The following VWC2 variants were observed in gnomAD, a reference collection of about 807,000 sequenced individuals.
VWC2 encodes brorin.
In VWC2, 14 loss-of-function variants were observed where a neutral mutation model predicts 29.8. That is an observed-to-expected ratio of 0.47 (90% CI 0.31 to 0.74). The LOEUF (loss-of-function observed/expected upper bound fraction) is 0.74, where lower values mean the gene tolerates loss of function less well. VWC2 is among the 30% of genes least tolerant of loss of function. The pLI, the probability that VWC2 is intolerant of heterozygous loss-of-function variation, is 0.05. For missense variants in VWC2, 457 were observed against 459.8 expected, an observed-to-expected ratio of 0.99 and a Z score of 0.05; for synonymous variants, 213 against 199.0, an observed-to-expected ratio of 1.07 and a Z score of -0.59.
intron 3 of VWC2, among the ~76,000 whole-genome samples, chr7:49,859,752 T>C (rs2128719738): frequency 6.6e-6 from 1 of 152,152 alleles, no homozygotes; most frequent in East Asian, 1.9e-4. Context: ...TATTTCTCCC[T>C]ACAGATGTAC....
At chr7:49,790,983 A>G (rs1249367063) in intron 2 of VWC2, among the ~76,000 whole-genome samples, 1 of 152,036 alleles carries the variant, frequency 6.6e-6, no homozygotes, top group Non-Finnish European at 1.5e-5. Context: ...CTTATTAATG[A>G]ACATTTTCTA....
At chr7:49,818,326 G>A (rs920443311) in intron 3 of VWC2, among the ~76,000 whole-genome samples, 5 of 152,190 alleles carry the variant, frequency 3.3e-5, no homozygotes, top group Non-Finnish European at 5.9e-5. Context: ...ATGCATAAAT[G>A]TCTCAGACAT....
Position 49,789,668 on chromosome 7 carries a change from G to T in VWC2, c.697-13043G>T, listed in dbSNP as rs1366342467. On this transcript the variant is annotated intron_variant, in intron 2 of 3. Coordinates refer to ENST00000340652, the MANE Select transcript of VWC2 (RefSeq NM_198570.5). ...TAGCTGTAATTCTTTAAAACAAAAGGGTTTTGATCTTCCAATGTTTTTAAA... is the reference window on the plus strand; with the variant it reads ...TAGCTGTAATTCTTTAAAACAAAAGTGTTTTGATCTTCCAATGTTTTTAAA... Among the ~76,000 whole-genome samples, 6 of 152,136 alleles carry T rather than the reference G, an allele frequency of 3.9e-5. No individual in the cohort carries two copies. In the South Asian group the frequency reaches 1.2e-3, roughly 32 times the overall value.
rs975703939 is a variant in VWC2, at chr7:49,788,812, G to A, written c.696+12681G>A. ...TGGGTGAGTGTGACTGTGTGGGTGC[G>A]TGTGAGAGTGGATATGTGGGTATGA... On this transcript the variant is annotated intron_variant, in intron 2 of 3. Coordinates refer to ENST00000340652, the MANE Select transcript of VWC2 (RefSeq NM_198570.5). Among the ~76,000 whole-genome samples the A allele has an allele frequency of 1.5e-4, 22 of 147,502 alleles. 1 individual carries two copies. Among genetic ancestry groups the A allele is most frequent in the Admixed American group, 1.1e-3 (16 of 14,792 alleles).
chr7:49,781,479 C>A (rs947676728), intron 2 of VWC2, among the ~76,000 whole-genome samples: 2 of 152,072 alleles, frequency 1.3e-5, no homozygotes, highest in African/African-American at 4.8e-5. Flanking sequence ...GTAATTTACA[C>A]AACAGACTGA....
chr7:49,820,207 C>G (rs1051848640), intron 3 of VWC2, among the ~76,000 whole-genome samples: 5 of 152,184 alleles, frequency 3.3e-5, no homozygotes, highest in African/African-American at 1.2e-4. Context: ...CGCCCTACCC[C>G]ACAGCCGCTC....
chr7:49,900,652 T>C (rs1792673199), intron 3 of VWC2, among the ~76,000 whole-genome samples: 2 of 151,730 alleles, frequency 1.3e-5, no homozygotes, highest in South Asian at 4.1e-4. Context: ...AAAAGAGATA[T>C]AATCAATAAT....
At chr7:49,799,585 G>A (rs71538355) in intron 2 of VWC2, among the ~76,000 whole-genome samples, 1 of 152,236 alleles carries the variant, frequency 6.6e-6, no homozygotes, top group East Asian at 1.9e-4. Flanking sequence ...TAGGTGGTAG[G>A]AGGTGAGGCC....
chr7:49,854,377 G>GT (rs1790328276), intron 3 of VWC2, among the ~76,000 whole-genome samples: 1 of 151,972 alleles, frequency 6.6e-6, no homozygotes, highest in African/African-American at 2.4e-5. Context: ...AGCACCTGTT[G>GT]TTTCCTGACT....
At chr7:49,817,910 A>G in intron 3 of VWC2, among the ~76,000 whole-genome samples, 1 of 152,264 alleles carries the variant, frequency 6.6e-6, no homozygotes. Context: ...TTTTCAGATA[A>G]TAAGAATTAA....
chr7:49,899,239 C>T (rs950759040), intron 3 of VWC2, among the ~76,000 whole-genome samples: 1 of 151,700 alleles, frequency 6.6e-6, no homozygotes, highest in Non-Finnish European at 1.5e-5. Context: ...AGCATACACA[C>T]CAAGAATATG....
In VWC2 at chr7:49,877,481, A is replaced by AAAAAAATATACATATATAT; in HGVS notation, c.827-34552_827-34551insAAAAATATACATATATATA. ...CTGTCTCAAAAAAAAAAAAAAAAAA[A>AAAAAAATATACATATATAT]ATATATATATATATATATATATATA... On this transcript the variant is annotated intron_variant, in intron 3 of 3. Coordinates refer to ENST00000340652, the MANE Select transcript of VWC2 (RefSeq NM_198570.5). Among the ~76,000 whole-genome samples, 22 of 12,730 alleles carry AAAAAAATATACATATATAT rather than the reference A, an allele frequency of 1.7e-3. 5 individuals carry two copies. Among genetic ancestry groups the AAAAAAATATACATATATAT allele is most frequent in the African/African-American group, 5.5e-3 (20 of 3,604 alleles). 8.4% of individuals were successfully genotyped at this position (12,730 alleles called of 152,430 possible). A position where few individuals can be genotyped will look rare whatever the true frequency, so the allele number is the denominator to read the frequency against.
At chr7:49,775,162 C>T (rs1468282381) in intron 1 of VWC2, among the ~76,000 whole-genome samples, 171 bp from the exon 2 acceptor site, 2 of 152,210 alleles carry the variant, frequency 1.3e-5, no homozygotes, top group African/African-American at 4.8e-5. Flanking sequence ...TATCGCTCCA[C>T]AGTTTGTGAT....
intron 3 of VWC2, among the ~76,000 whole-genome samples, chr7:49,810,715 T>C (rs768828402): frequency 1.3e-5 from 2 of 152,198 alleles, no homozygotes; most frequent in Non-Finnish European, 2.9e-5. Context: ...AAATCCAGTA[T>C]GCAAATCTTT....
At chr7:49,858,987 T>C (rs1464683289) in intron 3 of VWC2, among the ~76,000 whole-genome samples, 1 of 152,202 alleles carries the variant, frequency 6.6e-6, no homozygotes, top group African/African-American at 2.4e-5. Flanking sequence ...TATTCACCCA[T>C]TGTGCTTGCT....
chr7:49,876,750 A>G (rs1482011996), intron 3 of VWC2, among the ~76,000 whole-genome samples: 1 of 152,010 alleles, frequency 6.6e-6, no homozygotes, highest in Non-Finnish European at 1.5e-5. Context: ...CTGTCAACAC[A>G]GTTTTATTTG....
intron 3 of VWC2, among the ~76,000 whole-genome samples, chr7:49,874,523 G>T (rs1055552879): frequency 6.6e-6 from 1 of 150,522 alleles, no homozygotes; most frequent in African/African-American, 2.5e-5. Context: ...ATGTATCCTC[G>T]TTGTTACATG....
intron 3 of VWC2, among the ~76,000 whole-genome samples, chr7:49,824,056 G>T (rs988883188): frequency 2.6e-5 from 4 of 151,666 alleles, no homozygotes; most frequent in Non-Finnish European, 5.9e-5. Context: ...TCTGTGGCTT[G>T]CCTTTTCATT....
chr7:49,877,454 C>T (rs1451415195), intron 3 of VWC2, among the ~76,000 whole-genome samples: 1 of 39,170 alleles, frequency 2.6e-5, no homozygotes, highest in East Asian at 8.5e-4. Context: ...AAGTAAGAAA[C>T]TCTGTCTCAA....
Sources: allele counts gnomAD v4.1 joint callset (sites outside exome capture counted in the v4.1 genomes callset), GRCh38; gene constraint gnomAD v4.1.1; transcripts MANE v1.5; gene names NCBI Gene and HGNC (gene_info 2026-07-23, HGNC 2026-07-21).